Variants in COL4A4 observed in about 807,000 individuals in gnomAD.
COL4A4 encodes collagen type IV alpha 4 chain.
Under a neutral mutation model 192.9 loss-of-function variants are expected in COL4A4, and 105 were observed. The ratio of observed to expected loss-of-function variants is 0.54; its 90% confidence interval spans 0.46 to 0.64. The LOEUF (loss-of-function observed/expected upper bound fraction) is 0.64, where lower values mean the gene tolerates loss of function less well. Among genes scored for constraint, COL4A4 ranks in the 30% least tolerant of loss-of-function variants. The pLI is 0.00. For synonymous variants in COL4A4, 762 were observed against 769.9 expected (o/e 0.99, Z 0.17); for missense variants, 1,967 against 2,169.3 (o/e 0.91, Z 1.85).
intron 31 of COL4A4, among the ~76,000 whole-genome samples, chr2:227,053,127 C>T (rs544394657): frequency 3.3e-5 from 5 of 152,112 alleles, no homozygotes; most frequent in Non-Finnish European, 7.4e-5. Flanking sequence ...TAGCCCATCA[C>T]TGGCGTTAGT....
Position 227,100,837 on chromosome 2 carries a change from C to T in COL4A4, c.1029+667G>A, listed in dbSNP as rs377432316. On this transcript the variant is annotated intron_variant, in intron 17 of 47. Transcript: ENST00000396625. The stretch of plus-strand genomic sequence containing the variant: ...TTTTTTTTTTTGAGATGGAGTCTCA[C>T]TCTGTTGCCCAGGATGGAGTGCAGT... Among the ~76,000 whole-genome samples, 101 of 150,608 alleles carry T rather than the reference C, an allele frequency of 6.7e-4. 1 individual carries two copies. Among genetic ancestry groups the T allele is most frequent in the African/African-American group, 2.4e-3 (99 of 40,938 alleles).
chr2:227,060,940 G>A (rs974036836), intron 26 of COL4A4, among the ~76,000 whole-genome samples: 5 of 152,080 alleles, frequency 3.3e-5, no homozygotes, highest in Non-Finnish European at 7.4e-5. Context: ...TGTTAGCCAG[G>A]ATGGTCTCAT....
At chr2:227,060,085 A>G in intron 27 of COL4A4, 51 bp downstream of exon 27, 1 of 1,041,082 alleles carries the variant, frequency 9.6e-7, no homozygotes, top group Non-Finnish European at 1.4e-6. Context: ...AGTTCCTGAT[A>G]GATATTCCCA....
At chr2:227,090,638 G>C (rs1032028749) in intron 20 of COL4A4, among the ~76,000 whole-genome samples, 2 of 151,810 alleles carry the variant, frequency 1.3e-5, no homozygotes, top group Middle Eastern at 6.8e-3. Context: ...TGTAATCCCC[G>C]CTACTTGAGA....
At chr2:227,090,971 T>C (rs1032333836) in intron 20 of COL4A4, among the ~76,000 whole-genome samples, 14 of 149,894 alleles carry the variant, frequency 9.3e-5, no homozygotes, top group Non-Finnish European at 2.1e-4. Context: ...TTCAAGAATC[T>C]GTACCTCTGG....
the COL4A4 span, chr2:226,995,382 C>T: frequency 1.7e-6 from 2 of 1,186,482 alleles, no homozygotes; most frequent in Admixed American, 3.6e-5. Flanking sequence ...GGTACACATG[C>T]CTTGTCACGT....
At chr2:227,127,970 A>C (rs4276017) in intron 4 of COL4A4, among the ~76,000 whole-genome samples, 148,495 of 152,306 alleles carry the variant, frequency 0.97, 72,404 homozygotes, top group East Asian at 1. Flanking sequence ...CATTTATCAT[A>C]AAAAATGTCA....
chr2:227,033,107 T>C (rs1030896633), intron 38 of COL4A4, among the ~76,000 whole-genome samples: 1 of 152,244 alleles, frequency 6.6e-6, no homozygotes, highest in African/African-American at 2.4e-5. Context: ...CTTGTTAGGA[T>C]AACATTTTGA....
In COL4A4 at chr2:227,108,859, C is replaced by T; in HGVS notation, c.667G>A (p.Gly223Ser). The T allele has an allele frequency of 3.7e-6, 6 of 1,611,738 alleles. No individual in the cohort carries two copies. Among genetic ancestry groups the T allele is most frequent in the Non-Finnish European group, 5.1e-6 (6 of 1,178,662 alleles). ...PGEPGLVGPPGQPGRPGLKGN... is the reference protein window; with the variant it reads ...PGEPGLVGPPSQPGRPGLKGN... ...TTCAAACCTGGACGCCCTGGTTGGC[C>T]CGGAGGTCCCTAAATCAAGGGAGAA... Residue 223 changes from glycine to serine, a missense_variant, in exon 11 of 48, where the codon GGC becomes AGC. Physicochemically the swap from Gly to Ser is moderately conservative, Grantham distance 56. Transcript: ENST00000396625.
intron 23 of COL4A4, 142 bp from the exon 24 acceptor site, chr2:227,080,691 A>G (rs1449254455): frequency 2.8e-6 from 2 of 703,176 alleles, no homozygotes; most frequent in Non-Finnish European, 5.0e-6. Flanking sequence ...CACATAAAAC[A>G]TGCCAAAGCC....
chr2:226,988,342 T>A, the COL4A4 span: 1 of 1,549,790 alleles, frequency 6.5e-7, no homozygotes, highest in Non-Finnish European at 8.7e-7. Context: ...GAAAACCAGG[T>A]CATAAAGAGA....
chr2:227,107,740 T>A (rs1270368400), intron 12 of COL4A4, among the ~76,000 whole-genome samples: 1 of 148,984 alleles, frequency 6.7e-6, no homozygotes, highest in African/African-American at 2.5e-5. Flanking sequence ...GTGAGTTGCC[T>A]TCTTAAATCA....
At chr2:227,017,244 C>G (rs1965083968) in intron 44 of COL4A4, among the ~76,000 whole-genome samples, 1 of 152,216 alleles carries the variant, frequency 6.6e-6, no homozygotes, top group Admixed American at 6.5e-5. Flanking sequence ...GACGTTATCA[C>G]GTGGGCTTTA....
At chr2:227,091,247 C>CAGATATAGATAT (rs58703873) in intron 20 of COL4A4, among the ~76,000 whole-genome samples, 1,919 of 142,402 alleles carry the variant, frequency 0.013, 26 homozygotes, top group African/African-American at 0.024. Flanking sequence ...AATTGAAAAA[C>CAGATATAGATAT]AGATATAGAT....
At chr2:227,137,536 C>A (rs1017279277) in intron 4 of COL4A4, among the ~76,000 whole-genome samples, 2 of 152,184 alleles carry the variant, frequency 1.3e-5, no homozygotes, top group African/African-American at 4.8e-5. Flanking sequence ...GAGATTAGAA[C>A]AGGGCTTCTC....
At chr2:227,125,319 T>C (rs138661331) in intron 4 of COL4A4, among the ~76,000 whole-genome samples, 5,252 of 152,102 alleles carry the variant, frequency 0.035, 287 homozygotes, top group African/African-American at 0.12. Context: ...GCGATTCTAC[T>C]GCCTCAGCCT....
intron 17 of COL4A4, among the ~76,000 whole-genome samples, chr2:227,100,538 G>A (rs1034434047): frequency 6.6e-6 from 1 of 152,114 alleles, no homozygotes; most frequent in Non-Finnish European, 1.5e-5. Flanking sequence ...AAGTAACCTA[G>A]AGATGATTTA....
downstream of COL4A4, chr2:226,998,768 A>G (rs1169924789): frequency 2.0e-5 from 3 of 152,244 alleles, no homozygotes; most frequent in East Asian, 1.9e-4. Flanking sequence ...AATACCTTTC[A>G]TTGGCTCTCT....
rs556605463 is a variant in COL4A4 at position 227,052,191 on chromosome 2, CA to C, written c.2968+113del. 49,545 of 474,036 alleles carry C rather than the reference CA, an allele frequency of 0.1. 8 individuals carry two copies. Among genetic ancestry groups the C allele is most frequent in the South Asian group, 0.16 (5,664 of 36,176 alleles). 29.4% of individuals were successfully genotyped at this position (474,036 alleles called of 1,614,324 possible). A position where few individuals can be genotyped will look rare whatever the true frequency, so the allele number is the denominator to read the frequency against. On this transcript the variant is annotated intron_variant, in intron 32 of 47. Coordinates refer to ENST00000396625, the MANE Select transcript of COL4A4 (RefSeq NM_000092.5). ...GGGCGACAAGAGCAAAACTCCATCT[CA>C]AAAAAAAAAAAGTCTTTTCTAATCT...
Sources: gnomAD v4.1 joint callset for allele counts (sites outside exome capture counted in the v4.1 genomes callset) on GRCh38, gnomAD v4.1.1 for gene constraint, MANE v1.5 for transcripts, NCBI Gene and HGNC (gene_info 2026-07-23, HGNC 2026-07-21) for gene names.